PCDH11X: variants seen among roughly 807,000 people sequenced by gnomAD.
PCDH11X encodes the protein protocadherin 11 X-linked, also known as protocadherin-11 X-linked.
PCDH11X carries 18 observed loss-of-function variants against 53.3 expected under a neutral mutation model. The observed-to-expected ratio is 0.34, with a 90% confidence interval of 0.23 to 0.50. PCDH11X has a LOEUF of 0.50. Ranked by LOEUF, PCDH11X falls within the 20% of genes least tolerant of loss-of-function variation. The pLI is 0.98. For missense variants in PCDH11X, 570 were observed against 1,032.4 expected (o/e 0.55, Z 6.14); for synonymous variants, 279 against 393.3 (o/e 0.71, Z 3.44).
intron 6 of PCDH11X, among the ~76,000 whole-genome samples, chrX:91,888,475 G>A (rs961375536): frequency 3.6e-5 from 4 of 110,728 alleles, no homozygotes; most frequent in Admixed American, 9.7e-5. Flanking sequence ...CAACATGGTT[G>A]AAACCCTGTC....
intron 9 of PCDH11X, among the ~76,000 whole-genome samples, chrX:92,439,286 A>G (rs1479979686): frequency 9.0e-6 from 1 of 111,587 alleles, no homozygotes; most frequent in Non-Finnish European, 1.9e-5. Context: ...AATCTTATAT[A>G]TTATCCTAGC....
chrX:91,944,828 G>T (rs1034744613), intron 6 of PCDH11X, among the ~76,000 whole-genome samples: 4 of 106,362 alleles, frequency 3.8e-5, no homozygotes, highest in Non-Finnish European at 7.8e-5. Context: ...TATTTTAAAG[G>T]CATTTCATAC....
Position 92,030,924 on chromosome X carries a change from G to T in PCDH11X, c.3033+151651G>T, listed in dbSNP as rs769993059. On this transcript the variant is annotated intron_variant, in intron 6 of 10. Transcript: ENST00000682573. ...AGATTGCTTTCAAGTCTTGGCTATG[G>T]TGAACAGTGCTGCAACAAACATGGG... 1.1e-4 allele frequency among the ~76,000 whole-genome samples: 12 copies of T among 105,458 alleles called. No homozygotes were observed. The South Asian group carries it at 5.2e-3, about 46-fold the overall frequency. The allele number at this position is 105,458 out of a possible 115,157, so 91.6% of individuals were successfully genotyped here.
chrX:92,564,282 A>G (rs1018332212), intron 10 of PCDH11X, among the ~76,000 whole-genome samples: 1 of 106,031 alleles, frequency 9.4e-6, no homozygotes, highest in Non-Finnish European at 1.9e-5. Context: ...TAAAATGTAT[A>G]TGGTTTATCA....
At chrX:92,034,378 C>A (rs1256567444) in intron 6 of PCDH11X, among the ~76,000 whole-genome samples, 1 of 107,637 alleles carries the variant, frequency 9.3e-6, no homozygotes, top group Non-Finnish European at 1.9e-5. Context: ...GGGTCTATTA[C>A]TCTCTTTAAC....
At chrX:91,948,407 G>T (rs945063492) in intron 6 of PCDH11X, among the ~76,000 whole-genome samples, 3 of 108,674 alleles carry the variant, frequency 2.8e-5, no homozygotes, top group Non-Finnish European at 5.7e-5. Flanking sequence ...CGGCGTGCTA[G>T]GGGTAATGGA....
rs181563390 is a variant in PCDH11X at position 92,558,737 on chromosome X, A to G, written c.3368-59527A>G. Among the ~76,000 whole-genome samples the G allele has an allele frequency of 4.5e-3, 501 of 110,936 alleles. 3 individuals carry two copies. The highest frequency in any genetic ancestry group is 0.016 in the African/African-American group (481 of 30,687). On this transcript the variant is annotated intron_variant, in intron 10 of 10. Transcript: ENST00000682573. ...TATCAAAACATTTTTCTTCCATTCT[A>G]TAGACTAGTGTTTTGTTTATATTTG...
intron 6 of PCDH11X, among the ~76,000 whole-genome samples, chrX:92,048,162 G>C (rs1241905270): frequency 9.4e-6 from 1 of 106,027 alleles, no homozygotes; most frequent in Non-Finnish European, 1.9e-5. Context: ...GTTTGGAGAA[G>C]ACATGATCTT....
intron 6 of PCDH11X, among the ~76,000 whole-genome samples, chrX:92,109,847 T>G (rs1321099914): frequency 1.2e-4 from 13 of 112,410 alleles, no homozygotes; most frequent in Admixed American, 9.4e-4. Flanking sequence ...AAGGACAGCT[T>G]AAAGGTTAGA....
At chrX:92,230,477 A>AAT (rs1459422628) in intron 7 of PCDH11X, among the ~76,000 whole-genome samples, 2 of 92,296 alleles carry the variant, frequency 2.2e-5, no homozygotes, top group South Asian at 8.8e-4. Context: ...TATTATATAT[A>AAT]ATATATATAA....
chrX:91,909,320 C>T (rs1225731075), intron 6 of PCDH11X, among the ~76,000 whole-genome samples: 1 of 109,813 alleles, frequency 9.1e-6, no homozygotes, highest in African/African-American at 3.3e-5. Flanking sequence ...TCTGCATGTA[C>T]TTTGTAAAAA....
At chrX:92,238,008 T>C (rs1340501520) in intron 7 of PCDH11X, among the ~76,000 whole-genome samples, 1 of 111,744 alleles carries the variant, frequency 8.9e-6, no homozygotes, top group African/African-American at 3.2e-5. Flanking sequence ...CTTATCTCAA[T>C]ATTTTATCCA....
intron 6 of PCDH11X, among the ~76,000 whole-genome samples, chrX:91,960,759 G>A (rs916751189): frequency 8.1e-5 from 9 of 111,148 alleles, no homozygotes; most frequent in Admixed American, 7.7e-4. Context: ...TTTATTTCAA[G>A]TTAATTTTTG....
At chrX:92,411,683 TG>T (rs776661664) in intron 9 of PCDH11X, among the ~76,000 whole-genome samples, 155 of 107,789 alleles carry the variant, frequency 1.4e-3, no homozygotes, top group African/African-American at 5.2e-3. Flanking sequence ...CTATCACTGA[TG>T]GGCATTTGGG....
intron 7 of PCDH11X, among the ~76,000 whole-genome samples, chrX:92,216,641 CAGG>C (rs750828091): frequency 0.022 from 1,853 of 83,383 alleles, 40 homozygotes; most frequent in Non-Finnish European, 0.035. Context: ...GGACATTATT[CAGG>C]AGAACTTCCC....
At chrX:91,976,632 T>C (rs890284271) in intron 6 of PCDH11X, among the ~76,000 whole-genome samples, 3 of 111,857 alleles carry the variant, frequency 2.7e-5, no homozygotes, top group African/African-American at 9.8e-5. Context: ...CCCTGCAGAT[T>C]ATATTGGTCT....
intron 6 of PCDH11X, among the ~76,000 whole-genome samples, chrX:91,973,371 T>A (rs1218984302): frequency 9.8e-6 from 1 of 101,855 alleles, no homozygotes; most frequent in Non-Finnish European, 2.0e-5. Context: ...CGCACCAGCA[T>A]GGCACATGTA....
chrX:91,956,692 T>C (rs1275060680), intron 6 of PCDH11X, among the ~76,000 whole-genome samples: 1 of 110,833 alleles, frequency 9.0e-6, no homozygotes, highest in African/African-American at 3.3e-5. Flanking sequence ...TTAACATTTT[T>C]TCTTCCATTT....
At chrX:92,113,906 C>T (rs936601190) in intron 6 of PCDH11X, 18 of 1,199,894 alleles carry the variant, frequency 1.5e-5, no homozygotes, top group African/African-American at 1.2e-4. Context: ...CTTAACATTT[C>T]GTCAGCTTCA....
Sources: allele counts gnomAD v4.1 joint callset (sites outside exome capture counted in the v4.1 genomes callset), GRCh38; gene constraint gnomAD v4.1.1; transcripts MANE v1.5; gene names NCBI Gene and HGNC (gene_info 2026-07-23, HGNC 2026-07-21).